The following CCDC88A variants were observed in gnomAD, a reference collection of about 807,000 sequenced individuals.
CCDC88A encodes girdin.
Under a neutral mutation model 234.3 loss-of-function variants are expected in CCDC88A, and 54 were observed. That is an observed-to-expected ratio of 0.23 (90% CI 0.19 to 0.29). The LOEUF (loss-of-function observed/expected upper bound fraction) is 0.29, where lower values mean the gene tolerates loss of function less well. Ranked by LOEUF, CCDC88A falls within the 10% of genes least tolerant of loss-of-function variation. CCDC88A has a pLI of 1.00. For synonymous variants in CCDC88A, 753 were observed against 737.8 expected (o/e 1.02, Z -0.33); for missense variants, 1,832 against 2,123.4 (o/e 0.86, Z 2.70).
chr2:55,402,738 G>A lies in CCDC88A; in HGVS notation c.165-13852C>T, dbSNP rs371887726. Among the ~76,000 whole-genome samples, 207 of 151,732 alleles carry A rather than the reference G, an allele frequency of 1.4e-3. 1 individual carries two copies. Among genetic ancestry groups the A allele is most frequent in the African/African-American group, 4.7e-3 (196 of 41,442 alleles). ...AAAAAAAAAAAAACCGGCCAGGCGT[G>A]GTGGCTCATGCCTGTAATCCCAGCA... On this transcript the variant is annotated intron_variant, in intron 2 of 32. Coordinates refer to ENST00000436346, the MANE Select transcript of CCDC88A (RefSeq NM_001365480.1).
Position 55,328,540 on chromosome 2 carries a change from A to C in CCDC88A, c.2856-105T>G, listed in dbSNP as rs1286051675. 3 of 747,580 alleles carry C rather than the reference A, an allele frequency of 4.0e-6. No homozygotes were observed. Among genetic ancestry groups the C allele is most frequent in the Non-Finnish European group, 4.0e-6 (2 of 500,242 alleles). The allele number at this position is 747,580 out of a possible 1,614,324, so 46.3% of individuals were successfully genotyped here. A position where few individuals can be genotyped will look rare whatever the true frequency, so the allele number is the denominator to read the frequency against. ...TCATGCCATAAATGGGTCTTATAAA[A>C]GCATTTTTGTTAAAGAGGCAAATGA... is the stretch of plus-strand genomic sequence containing the variant. On this transcript the variant is annotated intron_variant, in intron 16 of 32. Coordinates refer to ENST00000436346, the MANE Select transcript of CCDC88A (RefSeq NM_001365480.1). The surrounding 1 kb of genome is among the most constrained non-coding windows in gnomAD (Gnocchi z 4.3).
In CCDC88A at chr2:55,322,620, A is replaced by G. The variant is rs1260676103; in HGVS notation, c.3070T>C (p.Ser1024Pro). The change falls in exon 18 of 33, where the codon TCT becomes CCT. Residue 1024 changes from serine (S) to proline (P), a missense_variant. By Grantham distance (74) the Ser-to-Pro change is moderately conservative. Transcript: ENST00000436346. ...ERMVQSSPPI[S>P]GEDNKWERES... is the part of the protein sequence containing the mutation. ...CGCTCCCATTTGTTGTCTTCACCAG[A>G]TATTGGAGGAGAGCTCTGTACCATC... 1.2e-6 allele frequency: 2 copies of G among 1,605,334 alleles called. No homozygotes were observed. Among genetic ancestry groups the G allele is most frequent in the East Asian group, 2.2e-5 (1 of 44,750 alleles).
intron 3 of CCDC88A, among the ~76,000 whole-genome samples, chr2:55,376,992 G>A (rs1673750113): frequency 6.6e-6 from 1 of 151,964 alleles, no homozygotes; most frequent in Non-Finnish European, 1.5e-5. Flanking sequence ...CACCATGCCT[G>A]GCTAATTTTT....
At chr2:55,391,510 G>A (rs1676639623) in intron 2 of CCDC88A, among the ~76,000 whole-genome samples, 1 of 152,102 alleles carries the variant, frequency 6.6e-6, no homozygotes, top group Admixed American at 6.6e-5. Context: ...AACAGACAAG[G>A]ACTTTCTACT....
At chr2:55,358,542 T>C (rs1178236962) in intron 7 of CCDC88A, among the ~76,000 whole-genome samples, 3 of 152,162 alleles carry the variant, frequency 2.0e-5, no homozygotes, top group Non-Finnish European at 4.4e-5. Flanking sequence ...GATGACTATG[T>C]AAATGTTACC....
chr2:55,320,946 C>CA (rs1184825878), intron 18 of CCDC88A: 4 of 151,800 alleles, frequency 2.6e-5, no homozygotes, highest in Non-Finnish European at 4.4e-5. Context: ...CCCATCTCTA[C>CA]AAAAAATACA....
chr2:55,393,446 A>G (rs1372410543), intron 2 of CCDC88A, among the ~76,000 whole-genome samples: 1 of 151,248 alleles, frequency 6.6e-6, no homozygotes, highest in Non-Finnish European at 1.5e-5. Context: ...ACGTGCCACC[A>G]CGCCCGGCTA....
chr2:55,317,864 C>G lies in CCDC88A; in HGVS notation c.3325-23G>C. 6.8e-7 allele frequency: 1 copy of G among 1,472,940 alleles called. No homozygotes were observed. The highest frequency in any genetic ancestry group is 9.2e-7 in the Non-Finnish European group (1 of 1,083,122). The allele number at this position is 1,472,940 out of a possible 1,614,324, so 91.2% of individuals were successfully genotyped here. A position where few individuals can be genotyped will look rare whatever the true frequency, so the allele number is the denominator to read the frequency against. Reference sequence around the variant, plus strand: ...AACCTATAAGAATATATATTGTTATCAGACATAAGAAAAACAGTTCATGTT... The same window carrying G: ...AACCTATAAGAATATATATTGTTATGAGACATAAGAAAAACAGTTCATGTT... On this transcript the variant is annotated intron_variant, in intron 19 of 32. Coordinates refer to ENST00000436346, the MANE Select transcript of CCDC88A (RefSeq NM_001365480.1). This position sits in a 1 kb window ranked among gnomAD's most constrained non-coding sequence, Gnocchi z 4.2.
In CCDC88A at chr2:55,301,196, A is replaced by G; in HGVS notation, c.4744+10T>C. 1.3e-6 allele frequency: 2 copies of G among 1,534,200 alleles called. No individual in the cohort carries two copies. Among genetic ancestry groups the G allele is most frequent in the African/African-American group, 1.4e-5 (1 of 73,004 alleles). On this transcript the variant is annotated intron_variant, in intron 28 of 32. Coordinates refer to ENST00000436346, the MANE Select transcript of CCDC88A (RefSeq NM_001365480.1). ...AATGTGTACTCTCTAAATAAGGTTC[A>G]TTATCTTACCATGAACTCTTGATCC...
chr2:55,361,034 C>T (rs569952265), intron 7 of CCDC88A, among the ~76,000 whole-genome samples: 12 of 151,910 alleles, frequency 7.9e-5, no homozygotes, highest in African/African-American at 2.2e-4. Context: ...TGCAGTGAGC[C>T]GAGACCACAC....
In CCDC88A at chr2:55,289,023, A is replaced by G. The variant is rs1216865409; in HGVS notation, c.*2177T>C. The G allele has an allele frequency of 6.6e-6, 1 of 152,614 alleles. No homozygotes were observed. Among genetic ancestry groups the G allele is most frequent in the African/African-American group, 2.4e-5 (1 of 41,462 alleles). 9.5% of individuals were successfully genotyped at this position (152,614 alleles called of 1,614,324 possible). On this transcript the variant is annotated 3_prime_UTR_variant, in exon 33 of 33. Coordinates refer to ENST00000436346, the MANE Select transcript of CCDC88A (RefSeq NM_001365480.1). Reference sequence around the variant, plus strand: ...GATTATTCATATTTTTGTAGTCTCAATGTGTTCCCTTGGTTGTCTCTTTAA... The same window carrying G: ...GATTATTCATATTTTTGTAGTCTCAGTGTGTTCCCTTGGTTGTCTCTTTAA...
At position 55,399,659 on chromosome 2, in the gene CCDC88A, T is replaced by C. The variant is rs536797850; in HGVS notation, c.165-10773A>G. Reference sequence around the variant, plus strand: ...TTTTTTAAGCACGTAAAACATTTTTTAAGGACTTTTTATTGTTTCATGAAA... The same window carrying C: ...TTTTTTAAGCACGTAAAACATTTTTCAAGGACTTTTTATTGTTTCATGAAA... On this transcript the variant is annotated intron_variant, in intron 2 of 32. Transcript: ENST00000436346. 9.8e-5 allele frequency: 15 copies of C among 152,334 alleles called. 1 individual carries two copies. The highest frequency in any genetic ancestry group is 2.9e-4 in the African/African-American group (12 of 41,584). 9.4% of individuals were successfully genotyped at this position (152,334 alleles called of 1,614,324 possible). A position where few individuals can be genotyped will look rare whatever the true frequency, so the allele number is the denominator to read the frequency against.
At chr2:55,304,442 G>A (rs1337560291) in intron 25 of CCDC88A, among the ~76,000 whole-genome samples, 1 of 152,090 alleles carries the variant, frequency 6.6e-6, no homozygotes, top group Non-Finnish European at 1.5e-5. Context: ...CTTTTGACCA[G>A]AGTATTTCTA....
intron 5 of CCDC88A, among the ~76,000 whole-genome samples, chr2:55,364,586 A>G (rs1671722184): frequency 6.6e-6 from 1 of 152,126 alleles, no homozygotes. Flanking sequence ...CATTTATAAC[A>G]TAATCTAATA....
chr2:55,317,964 T>C lies in CCDC88A; in HGVS notation c.3325-123A>G, dbSNP rs1431152560. 2 of 691,982 alleles carry C rather than the reference T, an allele frequency of 2.9e-6. No individual in the cohort carries two copies. The highest frequency in any genetic ancestry group is 2.7e-5 in the East Asian group (1 of 36,718). The allele number at this position is 691,982 out of a possible 1,614,324, so 42.9% of individuals were successfully genotyped here. ...AATCACAGCACACATATTTACATTA[T>C]ACTGGGAAGACGTGGATTTTAGCTT... On this transcript the variant is annotated intron_variant, in intron 19 of 32. Transcript: ENST00000436346. This position sits in a 1 kb window ranked among gnomAD's most constrained non-coding sequence, Gnocchi z 4.2.
intron 22 of CCDC88A, 42 bp downstream of exon 22, chr2:55,315,886 T>A (rs1214470795): frequency 8.2e-6 from 9 of 1,102,432 alleles, no homozygotes; most frequent in Non-Finnish European, 1.1e-5. Flanking sequence ...CATGTCTTGG[T>A]GCCTAAATGA....
At chr2:55,336,922 T>A in intron 13 of CCDC88A, 104 bp from the exon 14 acceptor site, 2 of 649,694 alleles carry the variant, frequency 3.1e-6, no homozygotes, top group Non-Finnish European at 5.0e-6. Context: ...ATAGTGTTAA[T>A]ATCCAAATGC....
At chr2:55,409,994 G>C (rs1680216973) in intron 2 of CCDC88A, among the ~76,000 whole-genome samples, 1 of 152,090 alleles carries the variant, frequency 6.6e-6, no homozygotes, top group Non-Finnish European at 1.5e-5. Context: ...ACCCGCCTCA[G>C]CCTCCCAAAG....
chr2:55,308,733 A>G, intron 25 of CCDC88A, 76 bp downstream of exon 25: 1 of 1,023,728 alleles, frequency 9.8e-7, no homozygotes. Context: ...ATTCCCCCAA[A>G]GGACTACTGA....
Sources: allele counts gnomAD v4.1 joint callset (sites outside exome capture counted in the v4.1 genomes callset), GRCh38; gene constraint gnomAD v4.1.1; non-coding constraint Gnocchi (gnomAD v3.1); transcripts MANE v1.5; gene names NCBI Gene and HGNC (gene_info 2026-07-23, HGNC 2026-07-21).